The following KCNH5 variants were observed in gnomAD, a reference collection of about 807,000 sequenced individuals.
KCNH5 encodes the protein voltage-gated delayed rectifier potassium channel KCNH5.
Under a neutral mutation model 96.1 loss-of-function variants are expected in KCNH5, and 46 were observed. The observed-to-expected ratio is 0.48, with a 90% CI of 0.38 to 0.61. The LOEUF is 0.61. Ranked by LOEUF, KCNH5 falls within the 20% of genes least tolerant of loss-of-function variation. KCNH5 has a pLI of 0.00. For missense variants in KCNH5, 907 were observed against 1,225.8 expected (o/e 0.74, Z 3.88); for synonymous variants, 439 against 449.8 (o/e 0.98, Z 0.30).
At chr14:62,972,237 A>C (rs1364055613) in intron 6 of KCNH5, among the ~76,000 whole-genome samples, 3 of 152,238 alleles carry the variant, frequency 2.0e-5, no homozygotes, top group Non-Finnish European at 1.5e-5. Flanking sequence ...AAAGGTGTTC[A>C]GCAATATATG....
chr14:63,045,206 G>T lies in KCNH5; in HGVS notation c.-20C>A. The T allele has an allele frequency of 6.2e-7, 1 of 1,606,846 alleles. No homozygotes were observed. The highest frequency in any genetic ancestry group is 2.2e-5 in the East Asian group (1 of 44,840). On this transcript the variant is annotated 5_prime_UTR_variant, in exon 1 of 11. Coordinates refer to ENST00000322893, the MANE Select transcript of KCNH5 (RefSeq NM_139318.5). Reference sequence around the variant, plus strand: ...CGGCATCCTGGGTCTGGAGAGCAGCGGCCAGGATCCGCGGCGGGGGAGGGG... The same window carrying T: ...CGGCATCCTGGGTCTGGAGAGCAGCTGCCAGGATCCGCGGCGGGGGAGGGG...
chr14:62,889,214 T>C (rs952819618), intron 7 of KCNH5, among the ~76,000 whole-genome samples: 7 of 152,124 alleles, frequency 4.6e-5, no homozygotes, highest in Admixed American at 4.6e-4. Context: ...TAAAAAGATA[T>C]AGACAAAAGT....
intron 7 of KCNH5, among the ~76,000 whole-genome samples, chr14:62,908,837 G>A (rs1566703686): frequency 2.0e-5 from 2 of 99,846 alleles, no homozygotes; most frequent in Admixed American, 1.5e-4. Flanking sequence ...TTAGTCATGA[G>A]TATCACAATA....
At chr14:62,729,230 C>A (rs1855619780) in intron 10 of KCNH5, among the ~76,000 whole-genome samples, 1 of 152,168 alleles carries the variant, frequency 6.6e-6, no homozygotes, top group Admixed American at 6.5e-5. Context: ...TAAATAACAG[C>A]TATAGCTTGA....
At chr14:62,892,448 C>T (rs1229392589) in intron 7 of KCNH5, among the ~76,000 whole-genome samples, 1 of 152,172 alleles carries the variant, frequency 6.6e-6, no homozygotes, top group Non-Finnish European at 1.5e-5. Context: ...ATTTCCATAA[C>T]ATGAAAGTGC....
intron 1 of KCNH5, among the ~76,000 whole-genome samples, chr14:63,042,292 AAAG>A (rs747858385): frequency 6.6e-6 from 1 of 152,070 alleles, no homozygotes; most frequent in Admixed American, 6.5e-5. Flanking sequence ...AAATCCTAAA[AAAG>A]AAGAAGTAGG....
At chr14:62,878,211 G>C (rs55815740) in intron 7 of KCNH5, among the ~76,000 whole-genome samples, 24 of 149,000 alleles carry the variant, frequency 1.6e-4, no homozygotes, top group Admixed American at 1.1e-3. Context: ...TGGGGGGGGG[G>C]GCGGAGGGAT....
chr14:62,930,689 A>G (rs1361206504), intron 7 of KCNH5, among the ~76,000 whole-genome samples: 1 of 152,158 alleles, frequency 6.6e-6, no homozygotes, highest in Non-Finnish European at 1.5e-5. Context: ...CCTGTGCACT[A>G]CAGAATGCTG....
chr14:62,808,197 A>G (rs1886807066), intron 8 of KCNH5, among the ~76,000 whole-genome samples: 1 of 152,148 alleles, frequency 6.6e-6, no homozygotes, highest in Admixed American at 6.6e-5. Context: ...GACTTTTGGT[A>G]AAAGATTCTA....
intron 1 of KCNH5, among the ~76,000 whole-genome samples, chr14:63,020,785 A>G (rs988225394): frequency 6.6e-5 from 10 of 152,272 alleles, no homozygotes; most frequent in African/African-American, 2.4e-4. Context: ...ATTTTGCTGC[A>G]TAAAAATTTT....
At chr14:62,786,151 A>G (rs1384432571) in intron 9 of KCNH5, among the ~76,000 whole-genome samples, 1 of 152,198 alleles carries the variant, frequency 6.6e-6, no homozygotes, top group Non-Finnish European at 1.5e-5. Flanking sequence ...AGATCACGCC[A>G]CTGCTCTCCA....
intron 10 of KCNH5, among the ~76,000 whole-genome samples, chr14:62,731,174 G>C (rs1332203963): frequency 6.6e-6 from 1 of 151,854 alleles, no homozygotes; most frequent in African/African-American, 2.4e-5. Context: ...GGTGGTGGGT[G>C]CCTATAATCC....
At chr14:63,031,720 G>A (rs951613556) in intron 1 of KCNH5, among the ~76,000 whole-genome samples, 1 of 152,072 alleles carries the variant, frequency 6.6e-6, no homozygotes, top group Non-Finnish European at 1.5e-5. Flanking sequence ...ATATTGTATT[G>A]TATGTTGAAA....
At chr14:63,038,428 A>C (rs536179727) in intron 1 of KCNH5, among the ~76,000 whole-genome samples, 3 of 152,280 alleles carry the variant, frequency 2.0e-5, no homozygotes, top group Admixed American at 6.5e-5. Flanking sequence ...CTCAGATCTC[A>C]AATTGCGTAT....
chr14:62,797,764 G>C (rs1886570082), intron 9 of KCNH5, among the ~76,000 whole-genome samples: 1 of 150,594 alleles, frequency 6.6e-6, no homozygotes, highest in South Asian at 2.1e-4. Flanking sequence ...CGCCCAGGCT[G>C]GAGTACAGTG....
intron 10 of KCNH5, among the ~76,000 whole-genome samples, chr14:62,754,335 A>G (rs1885571004): frequency 6.6e-6 from 1 of 152,184 alleles, no homozygotes. Context: ...GGAAGGAAGT[A>G]AAGAAGGAAG....
At chr14:62,948,599 A>G (rs1889938542) in intron 7 of KCNH5, among the ~76,000 whole-genome samples, 1 of 151,708 alleles carries the variant, frequency 6.6e-6, no homozygotes, top group African/African-American at 2.4e-5. Flanking sequence ...AACTGGTACC[A>G]TTCCTTCTGA....
chr14:62,888,177 C>A (rs1450548210), intron 7 of KCNH5, among the ~76,000 whole-genome samples: 1 of 152,180 alleles, frequency 6.6e-6, no homozygotes, highest in African/African-American at 2.4e-5. Flanking sequence ...AGAATATAAA[C>A]TTCCTGCTTT....
chr14:62,802,837 A>C (rs1886692430), intron 8 of KCNH5, among the ~76,000 whole-genome samples: 1 of 152,094 alleles, frequency 6.6e-6, no homozygotes, highest in African/African-American at 2.4e-5. Context: ...AAGAGTATGG[A>C]TCTCCCCTCA....
Sources: gnomAD v4.1 joint callset for allele counts (sites outside exome capture counted in the v4.1 genomes callset) on GRCh38, gnomAD v4.1.1 for gene constraint, MANE v1.5 for transcripts, NCBI Gene and HGNC (gene_info 2026-07-23, HGNC 2026-07-21) for gene names.